Variants in TMEM132D observed in about 807,000 individuals in gnomAD.
TMEM132D encodes mature OL transmembrane protein.
Under a neutral mutation model 62.3 loss-of-function variants are expected in TMEM132D, and 21 were observed. The ratio of observed to expected loss-of-function variants is 0.34; its 90% confidence interval spans 0.24 to 0.49. TMEM132D has a LOEUF of 0.49. TMEM132D is among the 20% of genes least tolerant of loss of function. TMEM132D has a pLI of 0.99. For synonymous variants in TMEM132D, 621 were observed against 575.6 expected (o/e 1.08, Z -1.13); for missense variants, 1,346 against 1,402.8 (o/e 0.96, Z 0.65).
intron 4 of TMEM132D, chr12:129,262,220 G>GT (rs1880567664): frequency 6.6e-6 from 1 of 152,160 alleles, no homozygotes; most frequent in South Asian, 2.1e-4. Flanking sequence ...CAAGGCAAAG[G>GT]ACCGTAATTG....
At chr12:129,261,023 T>A (rs1377083885) in intron 4 of TMEM132D, among the ~76,000 whole-genome samples, 2 of 152,244 alleles carry the variant, frequency 1.3e-5, no homozygotes. Context: ...TTTTGGTGGA[T>A]ACCCAAGAGT....
intron 2 of TMEM132D, among the ~76,000 whole-genome samples, chr12:129,560,426 C>G (rs1036299956): frequency 6.6e-6 from 1 of 151,974 alleles, no homozygotes; most frequent in Non-Finnish European, 1.5e-5. Context: ...ACCACTACCA[C>G]CCAGCTAATT....
chr12:129,258,294 C>T (rs1451504752), intron 4 of TMEM132D, among the ~76,000 whole-genome samples: 1 of 152,004 alleles, frequency 6.6e-6, no homozygotes, highest in Non-Finnish European at 1.5e-5. Context: ...AGGCATAGAA[C>T]ATGCTAGCAA....
intron 2 of TMEM132D, among the ~76,000 whole-genome samples, chr12:129,633,280 C>A (rs1013667726): frequency 4.6e-5 from 7 of 152,106 alleles, no homozygotes; most frequent in Non-Finnish European, 8.8e-5. Flanking sequence ...TCAGACAAAT[C>A]CAAAGTTTTC....
intron 1 of TMEM132D, among the ~76,000 whole-genome samples, chr12:129,791,281 T>C (rs1422762809): frequency 6.6e-6 from 1 of 152,144 alleles, no homozygotes; most frequent in Non-Finnish European, 1.5e-5. Flanking sequence ...CCTGAAAATA[T>C]ATTGGTCAAA....
chr12:129,299,143 G>C (rs1307813512), intron 4 of TMEM132D, among the ~76,000 whole-genome samples: 1 of 152,186 alleles, frequency 6.6e-6, no homozygotes, highest in Admixed American at 6.5e-5. Context: ...TAGTCAACCA[G>C]AGCCATGAGA....
chr12:129,310,631 C>T (rs1172559675), intron 4 of TMEM132D, among the ~76,000 whole-genome samples: 1 of 152,132 alleles, frequency 6.6e-6, no homozygotes, highest in Non-Finnish European at 1.5e-5. Context: ...GGAGAATGGG[C>T]CTTGGTAAGC....
chr12:129,357,200 T>C (rs1196068832), intron 3 of TMEM132D, among the ~76,000 whole-genome samples: 3 of 147,098 alleles, frequency 2.0e-5, no homozygotes, highest in Non-Finnish European at 4.5e-5. Flanking sequence ...TGAGCTGAGA[T>C]TGTACCACTG....
At chr12:129,646,663 A>G (rs904311994) in intron 2 of TMEM132D, among the ~76,000 whole-genome samples, 4 of 152,162 alleles carry the variant, frequency 2.6e-5, no homozygotes, top group African/African-American at 9.7e-5. Flanking sequence ...ACTTGCATTT[A>G]TCATTCCTAG....
At chr12:129,861,243 CAT>C (rs1873887322) in intron 1 of TMEM132D, among the ~76,000 whole-genome samples, 1 of 152,080 alleles carries the variant, frequency 6.6e-6, no homozygotes, top group African/African-American at 2.4e-5. Context: ...TTATAAGAAA[CAT>C]AGAGGATGTG....
chr12:129,520,146 CAGAACAGACA>C (rs1875808089), intron 3 of TMEM132D, among the ~76,000 whole-genome samples: 1 of 152,086 alleles, frequency 6.6e-6, no homozygotes, highest in Non-Finnish European at 1.5e-5. Flanking sequence ...GGTGTTTAAG[CAGAACAGACA>C]TTAAATAATC....
intron 1 of TMEM132D, among the ~76,000 whole-genome samples, chr12:129,815,329 TC>T (rs1263648535): frequency 3.3e-5 from 5 of 152,212 alleles, no homozygotes; most frequent in Non-Finnish European, 7.3e-5. Flanking sequence ...ATGTGACTCT[TC>T]CAGGCATCGC....
chr12:129,341,596 T>C (rs1462145487), intron 3 of TMEM132D, among the ~76,000 whole-genome samples: 1 of 152,174 alleles, frequency 6.6e-6, no homozygotes, highest in Non-Finnish European at 1.5e-5. Flanking sequence ...ATGTTTACAG[T>C]TAAGGGAACA....
chr12:129,422,872 A>ATG (rs747766839), intron 3 of TMEM132D, among the ~76,000 whole-genome samples: 5 of 125,868 alleles, frequency 4.0e-5, no homozygotes, highest in South Asian at 2.2e-4. Context: ...ACATACATAT[A>ATG]TGTGTATATA....
intron 3 of TMEM132D, among the ~76,000 whole-genome samples, chr12:129,440,955 T>A (rs867762791): frequency 5.9e-5 from 9 of 152,320 alleles, no homozygotes; most frequent in Middle Eastern, 6.8e-3. Context: ...CGGATTTGCA[T>A]CCATTATTAT....
intron 3 of TMEM132D, among the ~76,000 whole-genome samples, chr12:129,378,824 A>C (rs978376217): frequency 1.1e-4 from 17 of 152,330 alleles, no homozygotes; most frequent in Non-Finnish European, 2.5e-4. Flanking sequence ...TGGAAAGTTC[A>C]ATCAACAGGA....
chr12:129,081,131 C>T (rs548468310), intron 7 of TMEM132D, among the ~76,000 whole-genome samples: 17 of 152,338 alleles, frequency 1.1e-4, no homozygotes, highest in Admixed American at 1.0e-3. Flanking sequence ...TGATTCAGAT[C>T]AGGTAAGCTC....
chr12:129,903,521 C>A lies in TMEM132D; in HGVS notation c.-182G>T. On this transcript the variant is annotated 5_prime_UTR_variant, in exon 1 of 9. Transcript: ENST00000422113. The surrounding 1 kb of genome is among the most constrained non-coding windows in gnomAD (Gnocchi z 6.2). ...AGTCCATGGCCAGGCCGGGAGGCGACGACCGCGCGGGCTCCTGAGTTGCTC... is the reference window on the plus strand; with the variant it reads ...AGTCCATGGCCAGGCCGGGAGGCGAAGACCGCGCGGGCTCCTGAGTTGCTC... 1.6e-6 allele frequency: 1 copy of A among 618,524 alleles called. No individual in the cohort carries two copies. The allele number at this position is 618,524 out of a possible 1,614,324, so 38.3% of individuals were successfully genotyped here.
intron 1 of TMEM132D, among the ~76,000 whole-genome samples, chr12:129,881,145 C>G (rs1482465978): frequency 6.6e-6 from 1 of 152,010 alleles, no homozygotes; most frequent in Non-Finnish European, 1.5e-5. Flanking sequence ...AGTTGATACA[C>G]TTAGAATGCA....
Sources: gnomAD v4.1 joint callset for allele counts (sites outside exome capture counted in the v4.1 genomes callset) on GRCh38, gnomAD v4.1.1 for gene constraint, Gnocchi (gnomAD v3.1) non-coding constraint, MANE v1.5 for transcripts, NCBI Gene and HGNC (gene_info 2026-07-23, HGNC 2026-07-21) for gene names.